CPLANE1: variants seen among roughly 807,000 people sequenced by gnomAD.
The protein encoded by CPLANE1 is ciliogenesis and planar polarity effector 1.
In CPLANE1, 263 loss-of-function variants were observed where a neutral mutation model predicts 362.5. The ratio of observed to expected loss-of-function variants is 0.73; its 90% confidence interval spans 0.66 to 0.80. The LOEUF is 0.80. Among genes scored for constraint, CPLANE1 ranks in the 30% least tolerant of loss-of-function variants. The probability of loss-of-function intolerance (pLI) is 0.00; values close to 1 mark genes in which losing one functional copy is unlikely to be tolerated. For missense variants in CPLANE1, 3,461 were observed against 3,793.4 expected (o/e 0.91, Z 2.30); for synonymous variants, 1,212 against 1,302.6 (o/e 0.93, Z 1.50).
At chr5:37,219,941 A>G (rs537197815) in intron 15 of CPLANE1, among the ~76,000 whole-genome samples, 1 of 152,310 alleles carries the variant, frequency 6.6e-6, no homozygotes, top group East Asian at 1.9e-4. Flanking sequence ...AATGAACATA[A>G]AAATTTAAAA....
chr5:37,192,422 C>T (rs1394681780), intron 21 of CPLANE1, among the ~76,000 whole-genome samples: 1 of 152,106 alleles, frequency 6.6e-6, no homozygotes, highest in African/African-American at 2.4e-5. Flanking sequence ...CTATTTTTGT[C>T]TAAGTATATC....
rs375417224 is a variant in CPLANE1, at chr5:37,169,568, G to A, written c.6463-7C>T. The A allele has an allele frequency of 1.3e-6, 2 of 1,566,178 alleles. No homozygotes were observed. The highest frequency in any genetic ancestry group is 1.7e-6 in the Non-Finnish European group (2 of 1,159,528). On this transcript the variant is annotated splice_region_variant and splice_polypyrimidine_tract_variant and intron_variant, in intron 33 of 52. Coordinates refer to ENST00000651892, the MANE Select transcript of CPLANE1 (RefSeq NM_001384732.1). ...TACTCCCATGTGGAACATTCTGGAA[G>A]AGAAAAAAGATATTATGTAAGTTTA...
chr5:37,129,340 C>T (rs928684637), intron 46 of CPLANE1, among the ~76,000 whole-genome samples: 4 of 152,124 alleles, frequency 2.6e-5, no homozygotes, highest in African/African-American at 9.7e-5. Context: ...TAGACACTGG[C>T]TTAGGCAAAG....
At chr5:37,125,865 C>T (rs1763993238) in intron 46 of CPLANE1, among the ~76,000 whole-genome samples, 1 of 152,064 alleles carries the variant, frequency 6.6e-6, no homozygotes, top group African/African-American at 2.4e-5. Context: ...GCATAATAAA[C>T]ACATCATGTA....
chr5:37,150,332 CTCTCCCTGA>C (rs1255760699), intron 42 of CPLANE1, among the ~76,000 whole-genome samples: 1 of 152,142 alleles, frequency 6.6e-6, no homozygotes, highest in Non-Finnish European at 1.5e-5. Context: ...CCTCCATGTG[CTCTCCCTGA>C]GGAGCACCTA....
At chr5:37,218,602 C>T (rs1283261757) in intron 15 of CPLANE1, among the ~76,000 whole-genome samples, 1 of 151,910 alleles carries the variant, frequency 6.6e-6, no homozygotes, top group Non-Finnish European at 1.5e-5. Flanking sequence ...TTTTGGGGTC[C>T]CCAACCCAGT....
chr5:37,084,596 A>G, the CPLANE1 span, among the ~76,000 whole-genome samples: 1 of 152,004 alleles, frequency 6.6e-6, no homozygotes. Flanking sequence ...CCTGACCAAC[A>G]TAATGAAACC....
intron 18 of CPLANE1, 29 bp from the exon 19 acceptor site, chr5:37,201,837 G>C: frequency 2.7e-6 from 4 of 1,485,164 alleles, no homozygotes; most frequent in Non-Finnish European, 3.7e-6. Flanking sequence ...TGGTAAAATA[G>C]TTAAAGCTTG....
chr5:37,155,074 T>A (rs1228105695), intron 41 of CPLANE1, among the ~76,000 whole-genome samples: 3 of 152,192 alleles, frequency 2.0e-5, no homozygotes, highest in Non-Finnish European at 4.4e-5. Flanking sequence ...GGCTGAAGCT[T>A]TCACAATAAA....
the CPLANE1 span, among the ~76,000 whole-genome samples, chr5:37,097,330 C>T: frequency 5.3e-5 from 8 of 152,020 alleles, no homozygotes; most frequent in African/African-American, 9.6e-5. Context: ...AAAACAACAA[C>T]CAAAAAAACC....
At chr5:37,210,193 T>C (rs555631382) in intron 16 of CPLANE1, 7 of 1,472,968 alleles carry the variant, frequency 4.8e-6, no homozygotes, top group Admixed American at 3.3e-5. Context: ...CACCAAGAGA[T>C]TGAAACAAAA....
intron 16 of CPLANE1, chr5:37,210,453 A>G: frequency 1.9e-6 from 2 of 1,063,624 alleles, no homozygotes; most frequent in Non-Finnish European, 2.9e-6. Flanking sequence ...CTACATCATT[A>G]GAACTAATCG....
intron 15 of CPLANE1, among the ~76,000 whole-genome samples, chr5:37,219,005 G>A (rs1282997426): frequency 4.0e-5 from 6 of 150,684 alleles, no homozygotes; most frequent in Admixed American, 4.0e-4. Context: ...TATCATGAAA[G>A]TTAAATCACG....
chr5:37,148,136 C>T, intron 43 of CPLANE1, 45 bp downstream of exon 43: 1 of 1,419,076 alleles, frequency 7.0e-7, no homozygotes, highest in Middle Eastern at 1.8e-4. Context: ...TCTTTCAGAT[C>T]AACTAAAGCA....
At chr5:37,231,776 T>C (rs932802390) in intron 8 of CPLANE1, among the ~76,000 whole-genome samples, 2 of 151,974 alleles carry the variant, frequency 1.3e-5, no homozygotes, top group African/African-American at 4.8e-5. Context: ...TTTTAATTTA[T>C]TTTATTTTTA....
In CPLANE1 at chr5:37,218,410, TGAC is replaced by T; in HGVS notation, c.2746+2911_2746+2913del. Among the ~76,000 whole-genome samples the T allele has an allele frequency of 2.0e-5, 3 of 152,318 alleles. No individual in the cohort carries two copies. The South Asian group carries it at 6.2e-4, about 32-fold the overall frequency. On this transcript the variant is annotated intron_variant, in intron 15 of 52. Transcript: ENST00000651892. ...CTGAGGAAACTAGGGACATCCTGTGTGACTCTACTGGGAGAGGATTCATAGAAG... is the reference window on the plus strand; with the variant it reads ...CTGAGGAAACTAGGGACATCCTGTGTTCTACTGGGAGAGGATTCATAGAAG...
intron 8 of CPLANE1, among the ~76,000 whole-genome samples, chr5:37,235,312 A>G (rs1798709343): frequency 6.6e-6 from 1 of 152,108 alleles, no homozygotes; most frequent in African/African-American, 2.4e-5. Flanking sequence ...AACACTGATA[A>G]AAGAAATTAT....
chr5:37,242,523 C>T (rs1800781084), intron 6 of CPLANE1, among the ~76,000 whole-genome samples: 1 of 152,006 alleles, frequency 6.6e-6, no homozygotes, highest in Non-Finnish European at 1.5e-5. Flanking sequence ...TAGTCTTAGA[C>T]AAGTAAAACC....
At chr5:37,131,628 T>A (rs889588676) in intron 46 of CPLANE1, among the ~76,000 whole-genome samples, 12 of 151,930 alleles carry the variant, frequency 7.9e-5, no homozygotes, top group African/African-American at 2.9e-4. Context: ...CCTCCCAGGT[T>A]CAAGCGATTC....
Sources: gnomAD v4.1 joint callset for allele counts (sites outside exome capture counted in the v4.1 genomes callset) on GRCh38, gnomAD v4.1.1 for gene constraint, MANE v1.5 for transcripts, NCBI Gene and HGNC (gene_info 2026-07-23, HGNC 2026-07-21) for gene names.